The following KCNG3 variants were observed in gnomAD, a reference collection of about 807,000 sequenced individuals.
KCNG3 encodes the protein potassium voltage-gated channel modifier subfamily G member 3.
KCNG3 carries 15 observed loss-of-function variants against 29.0 expected under a neutral mutation model. The observed-to-expected ratio is 0.52, with a 90% CI of 0.35 to 0.80. KCNG3 has a LOEUF of 0.80. Ranked by LOEUF, KCNG3 falls within the 30% of genes least tolerant of loss-of-function variation. KCNG3 has a pLI of 0.01. For synonymous variants in KCNG3, 322 were observed against 248.9 expected, an observed-to-expected ratio of 1.29 and a Z score of -2.76; for missense variants, 512 against 605.7, an observed-to-expected ratio of 0.85 and a Z score of 1.62.
At chr2:42,391,591 ATC>A in the KCNG3 span, among the ~76,000 whole-genome samples, 9 of 128,770 alleles carry the variant, frequency 7.0e-5, no homozygotes, top group African/African-American at 2.1e-4. Context: ...AACATTTTAT[ATC>A]TCTTTTTTTT....
At chr2:42,402,188 G>A in the KCNG3 span, among the ~76,000 whole-genome samples, 1 of 152,158 alleles carries the variant, frequency 6.6e-6, no homozygotes, top group Non-Finnish European at 1.5e-5. Context: ...CCTGCCCTTG[G>A]ACATCAGAAC....
chr2:42,407,240 C>T, the KCNG3 span, among the ~76,000 whole-genome samples: 6 of 146,698 alleles, frequency 4.1e-5, no homozygotes, highest in South Asian at 1.1e-3. Context: ...TGCAGTGGTG[C>T]TCATGGCTCA....
Position 42,485,851 on chromosome 2 carries a change from G to A in KCNG3, c.665+6986C>T, listed in dbSNP as rs139872055. The stretch of plus-strand genomic sequence containing the variant: ...GAATAATACTCAGATGTTACTAGAA[G>A]GCAAACTGCCTGAAAAATCTAGTTT... On this transcript the variant is annotated intron_variant, in intron 1 of 1. Coordinates refer to ENST00000306078, the MANE Select transcript of KCNG3 (RefSeq NM_133329.6). 1.8e-3 allele frequency among the ~76,000 whole-genome samples: 278 copies of A among 152,214 alleles called. 2 individuals are homozygous for A. The highest frequency in any genetic ancestry group is 6.3e-3 in the African/African-American group (261 of 41,530).
chr2:42,408,228 C>A, the KCNG3 span, among the ~76,000 whole-genome samples: 7 of 152,144 alleles, frequency 4.6e-5, no homozygotes, highest in African/African-American at 1.7e-4. Flanking sequence ...GCAAGACAGG[C>A]TCCTGGGCGT....
chr2:42,419,414 T>G, the KCNG3 span, among the ~76,000 whole-genome samples: 61 of 151,738 alleles, frequency 4.0e-4, no homozygotes, highest in African/African-American at 1.4e-3. Flanking sequence ...ATTTTTTGTA[T>G]TTTTAGTTAA....
At chr2:42,416,923 T>C in the KCNG3 span, among the ~76,000 whole-genome samples, 2 of 151,786 alleles carry the variant, frequency 1.3e-5, no homozygotes, top group Non-Finnish European at 2.9e-5. Flanking sequence ...CAAAACATCA[T>C]GTCATACCCC....
chr2:42,419,488 C>T, the KCNG3 span, among the ~76,000 whole-genome samples: 131 of 151,868 alleles, frequency 8.6e-4, 2 homozygotes, highest in Non-Finnish European at 6.5e-4. Context: ...GTGATCTCCC[C>T]GCCTCGGCCT....
the KCNG3 span, among the ~76,000 whole-genome samples, chr2:42,422,226 G>C: frequency 6.6e-6 from 1 of 152,126 alleles, no homozygotes; most frequent in African/African-American, 2.4e-5. Context: ...ACCTTTAAGG[G>C]GTGATTAGGA....
At chr2:42,452,243 A>ATATATATATATATATATATATATATAT in intron 1 of KCNG3, among the ~76,000 whole-genome samples, 3 of 95,050 alleles carry the variant, frequency 3.2e-5, no homozygotes, top group African/African-American at 1.2e-4. Flanking sequence ...ATATATATAT[A>ATATATATATATATATATATATATATAT]TTTTTTTTTT....
chr2:42,477,175 G>C (rs1202569864), intron 1 of KCNG3, among the ~76,000 whole-genome samples: 1 of 139,260 alleles, frequency 7.2e-6, no homozygotes, highest in Non-Finnish European at 1.5e-5. Context: ...CTGAGCGACA[G>C]AGCAAGACTC....
chr2:42,403,266 C>T, the KCNG3 span, among the ~76,000 whole-genome samples: 6 of 151,394 alleles, frequency 4.0e-5, no homozygotes, highest in African/African-American at 9.7e-5. Context: ...CTCAGCCTTC[C>T]GAGTAGCTGG....
intron 1 of KCNG3, among the ~76,000 whole-genome samples, chr2:42,445,217 T>G (rs953286698): frequency 6.6e-6 from 1 of 152,198 alleles, no homozygotes; most frequent in Non-Finnish European, 1.5e-5. Flanking sequence ...TATCTTCAGT[T>G]GGCCACAACA....
chr2:42,429,782 G>T, the KCNG3 span, among the ~76,000 whole-genome samples: 9 of 152,162 alleles, frequency 5.9e-5, no homozygotes, highest in African/African-American at 1.2e-4. Context: ...TCTGAAGCTG[G>T]AAAGTATGAA....
At chr2:42,451,024 G>C (rs1178331741) in intron 1 of KCNG3, among the ~76,000 whole-genome samples, 1 of 151,736 alleles carries the variant, frequency 6.6e-6, no homozygotes, top group Non-Finnish European at 1.5e-5. Context: ...GGCCAACATG[G>C]TGAAACCCTG....
chr2:42,438,733 G>C (rs1339049403), downstream of KCNG3, among the ~76,000 whole-genome samples: 2 of 152,150 alleles, frequency 1.3e-5, no homozygotes, highest in African/African-American at 4.8e-5. Flanking sequence ...GAAAGTTTGG[G>C]CATAAGTTAA....
intron 1 of KCNG3, among the ~76,000 whole-genome samples, chr2:42,477,424 T>C (rs62144769): frequency 0.15 from 6,502 of 42,584 alleles, 180 homozygotes; most frequent in South Asian, 0.21. Flanking sequence ...CACACACACA[T>C]ATATTTTTTT....
intron 1 of KCNG3, chr2:42,463,314 T>TA (rs1402929428): frequency 2.6e-4 from 21 of 79,538 alleles, no homozygotes; most frequent in Admixed American, 1.6e-3. Flanking sequence ...GTCCATCTGA[T>TA]ACTTGCCTGC....
intron 1 of KCNG3, among the ~76,000 whole-genome samples, chr2:42,449,124 G>A (rs1188182396): frequency 1.3e-5 from 2 of 152,070 alleles, no homozygotes; most frequent in South Asian, 2.1e-4. Context: ...TACATGTACC[G>A]AGAAATGAGT....
rs555453489 is a variant in KCNG3 at position 42,443,658 on chromosome 2, A to T, written c.*276T>A. ...AAAATGTTCAAATAATGTATTTTTT[A>T]AAAATGTGTAATCATTCAAGGAAAC... On this transcript the variant is annotated 3_prime_UTR_variant, in exon 2 of 2. Transcript: ENST00000306078. The T allele has an allele frequency of 6.9e-5, 21 of 304,204 alleles. No individual in the cohort carries two copies. The highest frequency in any genetic ancestry group is 1.0e-4 in the Non-Finnish European group (17 of 166,698). The allele number at this position is 304,204 out of a possible 1,614,324, so 18.8% of individuals were successfully genotyped here. A position where few individuals can be genotyped will look rare whatever the true frequency, so the allele number is the denominator to read the frequency against.
Sources: allele counts gnomAD v4.1 joint callset (sites outside exome capture counted in the v4.1 genomes callset), GRCh38; gene constraint gnomAD v4.1.1; transcripts MANE v1.5; gene names NCBI Gene and HGNC (gene_info 2026-07-23, HGNC 2026-07-21).